Variants in BMERB1 observed in about 807,000 individuals in gnomAD.
BMERB1 encodes the protein bMERB domain containing 1.
In BMERB1, 12 loss-of-function variants were observed where a neutral mutation model predicts 23.6. The observed-to-expected ratio is 0.51, with a 90% CI of 0.33 to 0.82. The LOEUF is 0.82. Among genes scored for constraint, BMERB1 ranks in the 40% least tolerant of loss-of-function variants. The pLI is 0.03. For missense variants in BMERB1, 247 were observed against 255.4 expected (o/e 0.97, Z 0.22); for synonymous variants, 122 against 96.6 (o/e 1.26, Z -1.54).
At position 15,443,415 on chromosome 16, in the gene BMERB1, C is replaced by T. The variant is rs116002131; in HGVS notation, c.106+8656C>T. Among the ~76,000 whole-genome samples, 673 of 150,134 alleles carry T rather than the reference C, an allele frequency of 4.5e-3. 3 individuals are homozygous for T. The highest frequency in any genetic ancestry group is 0.016 in the African/African-American group (641 of 40,692). On this transcript the variant is annotated intron_variant, in intron 1 of 5. Coordinates refer to ENST00000300006, the MANE Select transcript of BMERB1 (RefSeq NM_033201.3). ...CCAAAAATACAAAAAATTAGCTGGA[C>T]GTGGTGCTAGCTACTTGGGAGGCTG...
chr16:15,451,733 A>AT (rs71152429), intron 1 of BMERB1, among the ~76,000 whole-genome samples: 4,118 of 77,398 alleles, frequency 0.053, 453 homozygotes, highest in African/African-American at 0.21. Context: ...TAGCTAACTA[A>AT]TTTTTTTTTT....
chr16:15,494,754 A>T (rs1196192687), intron 1 of BMERB1, among the ~76,000 whole-genome samples: 1 of 152,172 alleles, frequency 6.6e-6, no homozygotes, highest in Non-Finnish European at 1.5e-5. Context: ...ACTGATTTGA[A>T]AGCAACAAAG....
intron 2 of BMERB1, among the ~76,000 whole-genome samples, chr16:15,546,965 G>C (rs1277897406): frequency 1.3e-5 from 2 of 151,782 alleles, no homozygotes; most frequent in Non-Finnish European, 2.9e-5. Context: ...ACTGTTGGAG[G>C]ATTTCTGTTA....
At chr16:15,501,140 T>C (rs949252675) in intron 1 of BMERB1, among the ~76,000 whole-genome samples, 3 of 152,132 alleles carry the variant, frequency 2.0e-5, no homozygotes, top group Non-Finnish European at 4.4e-5. Flanking sequence ...CATTTCTTTT[T>C]ATCTTTTTTT....
At chr16:15,463,747 A>G (rs116560269) in intron 1 of BMERB1, among the ~76,000 whole-genome samples, 2,198 of 152,016 alleles carry the variant, frequency 0.014, 58 homozygotes, top group African/African-American at 0.051. Context: ...TCCCCACCCC[A>G]GCTCCTGCTG....
intron 2 of BMERB1, among the ~76,000 whole-genome samples, chr16:15,519,953 G>A (rs1046816521): frequency 2.6e-5 from 4 of 152,058 alleles, no homozygotes; most frequent in Admixed American, 6.6e-5. Context: ...GCTCTCTGAC[G>A]TCCTTGGTCT....
intron 1 of BMERB1, among the ~76,000 whole-genome samples, chr16:15,504,845 C>A (rs1045281035): frequency 1.3e-5 from 2 of 151,892 alleles, no homozygotes; most frequent in Non-Finnish European, 2.9e-5. Context: ...AGTTGATTCT[C>A]CCCCAACACT....
At chr16:15,474,905 C>G (rs577926009) in intron 1 of BMERB1, among the ~76,000 whole-genome samples, 1 of 152,068 alleles carries the variant, frequency 6.6e-6, no homozygotes, top group East Asian at 1.9e-4. Context: ...CCAGGCTGGT[C>G]TTGAACTCCT....
At chr16:15,547,106 A>G (rs1047478420) in intron 2 of BMERB1, among the ~76,000 whole-genome samples, 1 of 149,068 alleles carries the variant, frequency 6.7e-6, no homozygotes, top group African/African-American at 2.5e-5. Flanking sequence ...TCTGCCTCCT[A>G]GGTTCAAGCG....
At chr16:15,452,078 G>A (rs905091010) in intron 1 of BMERB1, among the ~76,000 whole-genome samples, 1 of 151,666 alleles carries the variant, frequency 6.6e-6, no homozygotes, top group Non-Finnish European at 1.5e-5. Context: ...GCAAGAGTTT[G>A]AGACCAGCCT....
At chr16:15,463,311 C>G (rs570894012) in intron 1 of BMERB1, among the ~76,000 whole-genome samples, 1 of 150,716 alleles carries the variant, frequency 6.6e-6, no homozygotes, top group South Asian at 2.1e-4. Flanking sequence ...TCAGGTTGGT[C>G]TTGAACTCTT....
chr16:15,533,066 C>T (rs1445109785), intron 2 of BMERB1: 1 of 454,630 alleles, frequency 2.2e-6, no homozygotes, highest in South Asian at 1.6e-5. Flanking sequence ...CATCCAGTAT[C>T]TCGCAGGGTG....
chr16:15,519,861 G>A (rs915165224), intron 2 of BMERB1, among the ~76,000 whole-genome samples: 2 of 152,102 alleles, frequency 1.3e-5, no homozygotes, highest in African/African-American at 4.8e-5. Flanking sequence ...CCACGACAGT[G>A]AGGAAGAAGA....
intron 2 of BMERB1, among the ~76,000 whole-genome samples, chr16:15,545,182 AG>A (rs888031829): frequency 2.0e-5 from 3 of 152,104 alleles, no homozygotes; most frequent in African/African-American, 7.2e-5. Context: ...CATGTTGGCC[AG>A]GCTGGTCTCG....
At chr16:15,573,933 C>A (rs761299314) in intron 3 of BMERB1, among the ~76,000 whole-genome samples, 1 of 142,264 alleles carries the variant, frequency 7.0e-6, no homozygotes, top group Non-Finnish European at 1.5e-5. Flanking sequence ...ACTGCCCAAC[C>A]CTTATAAAAC....
chr16:15,444,001 G>A (rs974672981), intron 1 of BMERB1, among the ~76,000 whole-genome samples: 7 of 151,874 alleles, frequency 4.6e-5, no homozygotes, highest in Non-Finnish European at 8.8e-5. Flanking sequence ...TGTTTGCATT[G>A]GGCCTGAAGG....
At chr16:15,483,296 A>C (rs1194673011) in intron 1 of BMERB1, among the ~76,000 whole-genome samples, 1 of 152,190 alleles carries the variant, frequency 6.6e-6, no homozygotes, top group Non-Finnish European at 1.5e-5. Flanking sequence ...CATTCTTCTA[A>C]AGAAATGTTC....
chr16:15,529,053 C>G (rs2051940435), intron 2 of BMERB1, among the ~76,000 whole-genome samples: 1 of 149,698 alleles, frequency 6.7e-6, no homozygotes, highest in Middle Eastern at 3.2e-3. Flanking sequence ...TTGACGGAGT[C>G]TAGCTCTGTC....
At chr16:15,562,834 T>C (rs1225562914) in intron 2 of BMERB1, among the ~76,000 whole-genome samples, 1 of 152,172 alleles carries the variant, frequency 6.6e-6, no homozygotes, top group East Asian at 1.9e-4. Context: ...AAGTCCACGC[T>C]CATTCGAGGC....
Sources: allele counts gnomAD v4.1 joint callset (sites outside exome capture counted in the v4.1 genomes callset), GRCh38; gene constraint gnomAD v4.1.1; transcripts MANE v1.5; gene names NCBI Gene and HGNC (gene_info 2026-07-23, HGNC 2026-07-21).